The following NME9 variants were observed in gnomAD, a reference collection of about 807,000 sequenced individuals.
NME9 encodes thioredoxin domain-containing protein 6.
Under a neutral mutation model 44.4 loss-of-function variants are expected in NME9, and 48 were observed. The ratio of observed to expected loss-of-function variants is 1.08; its 90% CI spans 0.86 to 1.37. The LOEUF (loss-of-function observed/expected upper bound fraction) is 1.37. Ranked by LOEUF, NME9 falls within the 40% of genes most tolerant of loss-of-function variation. The pLI, the probability that NME9 is intolerant of heterozygous loss-of-function variation, is 0.00. For missense variants in NME9, 325 were observed against 405.2 expected (o/e 0.80, Z 1.70); for synonymous variants, 139 against 147.1 (o/e 0.94, Z 0.40).
At chr3:138,296,078 T>C, downstream of NME9, 3 of 524,736 alleles carry the variant, frequency 5.7e-6, no homozygotes, top group Non-Finnish European at 9.9e-6. Flanking sequence ...GGTAGTAATT[T>C]CCTCAGAAGA....
intron 6 of NME9, among the ~76,000 whole-genome samples, 182 bp downstream of exon 6, chr3:138,314,145 ATTATC>A (rs1166181306): frequency 9.9e-5 from 15 of 152,252 alleles, no homozygotes; most frequent in Non-Finnish European, 2.1e-4. Flanking sequence ...AGTGTATCAA[ATTATC>A]TTATGTACTC....
At chr3:138,303,106 C>T (rs539181265) in intron 10 of NME9, among the ~76,000 whole-genome samples, 23 of 152,328 alleles carry the variant, frequency 1.5e-4, no homozygotes, top group Admixed American at 2.6e-4. Context: ...CGTATAGCTG[C>T]GTTTCTCAGT....
intron 8 of NME9, among the ~76,000 whole-genome samples, chr3:138,269,755 T>A (rs1255346919): frequency 1.3e-5 from 2 of 151,804 alleles, no homozygotes; most frequent in African/African-American, 4.8e-5. Flanking sequence ...CTAGAATGTC[T>A]CCTGAATCCT....
At chr3:138,296,112 T>C (rs1389462937), downstream of NME9, 13 of 497,866 alleles carry the variant, frequency 2.6e-5, no homozygotes, top group East Asian at 4.4e-4. Context: ...TTTTGGTTTT[T>C]TTTTCTGAGC....
At chr3:138,277,863 TA>T (rs1247705157) in intron 8 of NME9, among the ~76,000 whole-genome samples, 1 of 152,148 alleles carries the variant, frequency 6.6e-6, no homozygotes, top group East Asian at 1.9e-4. Context: ...AATTAGAAAT[TA>T]ACATCCCTCA....
At chr3:138,313,148 T>C (rs2052816002) in intron 6 of NME9, among the ~76,000 whole-genome samples, 1 of 152,024 alleles carries the variant, frequency 6.6e-6, no homozygotes, top group Non-Finnish European at 1.5e-5. Flanking sequence ...CCCAGCACTT[T>C]GGGAGGCCAA....
chr3:138,327,677 C>T (rs1254203782), intron 1 of NME9, among the ~76,000 whole-genome samples: 1 of 152,122 alleles, frequency 6.6e-6, no homozygotes. Flanking sequence ...GGTTGGCCAA[C>T]TTTAGGCATT....
chr3:138,278,059 A>C (rs1486675214), intron 8 of NME9, among the ~76,000 whole-genome samples: 2 of 152,234 alleles, frequency 1.3e-5, no homozygotes, highest in African/African-American at 4.8e-5. Flanking sequence ...AAGACAAAAC[A>C]GTAGAGACAG....
intron 3 of NME9, 114 bp from the exon 4 acceptor site, chr3:138,318,333 G>A: frequency 1.4e-6 from 1 of 731,356 alleles, no homozygotes; most frequent in South Asian, 1.5e-5. Context: ...TCCCCAGGTA[G>A]AGCCCCGATT....
intron 8 of NME9, chr3:138,270,265 C>G: frequency 1.5e-6 from 1 of 685,184 alleles, no homozygotes; most frequent in Non-Finnish European, 2.4e-6. Context: ...TTCTAGTTTT[C>G]TAATGACTAG....
At chr3:138,281,921 A>G (rs2049970429) in intron 8 of NME9, among the ~76,000 whole-genome samples, 2 of 152,188 alleles carry the variant, frequency 1.3e-5, no homozygotes, top group Non-Finnish European at 2.9e-5. Flanking sequence ...TCTTATTCAT[A>G]ATAAGGATCA....
chr3:138,306,295 T>C, intron 7 of NME9, 103 bp downstream of exon 7: 1 of 953,624 alleles, frequency 1.0e-6, no homozygotes, highest in Non-Finnish European at 1.7e-6. Flanking sequence ...CCCTTAGAAT[T>C]CATCTTTCTG....
chr3:138,292,530 C>T (rs1178539231), intron 8 of NME9, among the ~76,000 whole-genome samples: 1 of 152,126 alleles, frequency 6.6e-6, no homozygotes, highest in Non-Finnish European at 1.5e-5. Flanking sequence ...ACCAACGGGA[C>T]TTACTCACAG....
intron 2 of NME9, among the ~76,000 whole-genome samples, chr3:138,322,262 T>C (rs1043852792): frequency 6.6e-6 from 1 of 151,746 alleles, no homozygotes; most frequent in African/African-American, 2.4e-5. Context: ...GTATTTGTAT[T>C]GATAGTGCAC....
At chr3:138,321,232 C>T (rs1012213355) in intron 2 of NME9, among the ~76,000 whole-genome samples, 2 of 152,210 alleles carry the variant, frequency 1.3e-5, no homozygotes, top group African/African-American at 2.4e-5. Context: ...TGGGACACTA[C>T]AGACTGGGCA....
At chr3:138,283,984 G>A (rs931917570) in intron 8 of NME9, among the ~76,000 whole-genome samples, 20 of 152,196 alleles carry the variant, frequency 1.3e-4, no homozygotes, top group Admixed American at 6.5e-5. Context: ...AGCAGGTGGA[G>A]GCCTAGGAAA....
intron 8 of NME9, chr3:138,273,061 T>C: frequency 1.2e-6 from 2 of 1,613,598 alleles, no homozygotes; most frequent in Non-Finnish European, 1.7e-6. Context: ...GATTCAGATT[T>C]GAATGTGCTG....
rs771125727 is a variant in NME9 at position 138,274,467 on chromosome 3, A to G, written c.746-11881T>C. The G allele has an allele frequency of 6.2e-7, 1 of 1,605,010 alleles. No individual in the cohort carries two copies. The stretch of plus-strand genomic sequence containing the variant: ...TTTACAGCATATAGATAAAATAATG[A>G]GTACTCATGGAAAGCAAATTATGCA... On this transcript the variant is annotated intron_variant, in intron 8 of 8. Coordinates refer to the NME9 transcript ENST00000317876.
intron 8 of NME9, among the ~76,000 whole-genome samples, chr3:138,283,225 C>T (rs763578151): frequency 1.1e-4 from 17 of 152,192 alleles, no homozygotes; most frequent in South Asian, 8.3e-4. Context: ...AAACCACACA[C>T]GCTTTAGGAT....
Sources: gnomAD v4.1 joint callset for allele counts (sites outside exome capture counted in the v4.1 genomes callset) on GRCh38, gnomAD v4.1.1 for gene constraint, MANE v1.5 for transcripts, NCBI Gene and HGNC (gene_info 2026-07-23, HGNC 2026-07-21) for gene names.